Variants in VPS53 observed in about 807,000 individuals in gnomAD.
VPS53 encodes the protein VPS53 subunit of GARP complex.
In VPS53, 70 loss-of-function variants were observed where a neutral mutation model predicts 107.0. That is an observed-to-expected ratio of 0.65 (90% confidence interval 0.54 to 0.80). The LOEUF is 0.80. Among genes scored for constraint, VPS53 ranks in the 30% least tolerant of loss-of-function variants. The pLI is 0.00. For synonymous variants in VPS53, 409 were observed against 393.3 expected (o/e 1.04, Z -0.47); for missense variants, 917 against 1,049.4 (o/e 0.87, Z 1.74).
chr17:604,385 G>A (rs1475225307), intron 11 of VPS53, among the ~76,000 whole-genome samples: 1 of 152,162 alleles, frequency 6.6e-6, no homozygotes, highest in Non-Finnish European at 1.5e-5. Flanking sequence ...AAACGCAGAG[G>A]GTAGGAAGAA....
At chr17:627,977 CAACACT>C in intron 9 of VPS53, 105 bp downstream of exon 9, 1 of 1,125,434 alleles carries the variant, frequency 8.9e-7, no homozygotes, top group Non-Finnish European at 1.2e-6. Context: ...GCTCAACAAC[CAACACT>C]GTCAGACAGT....
chr17:623,679 A>G lies in VPS53; in HGVS notation c.975-5T>C. 1 of 1,608,812 alleles carries G rather than the reference A, an allele frequency of 6.2e-7. No homozygotes were observed. The highest frequency in any genetic ancestry group is 8.5e-7 in the Non-Finnish European group (1 of 1,176,006). On this transcript the variant is annotated splice_region_variant and splice_polypyrimidine_tract_variant and intron_variant, in intron 10 of 21. Transcript: ENST00000437048. ...ATAATCTTGGCAAGTTCTGCCCTTC[A>G]AAACAAAGAGATAAGAATACTATCA...
intron 1 of VPS53, among the ~76,000 whole-genome samples, chr17:712,876 A>G (rs527325519): frequency 2.6e-5 from 4 of 152,300 alleles, no homozygotes; most frequent in East Asian, 3.9e-4. Flanking sequence ...CTTTTCTTCC[A>G]TGAGAGCCCA....
chr17:710,697 G>C, intron 1 of VPS53, 84 bp from the exon 2 acceptor site: 4 of 1,129,228 alleles, frequency 3.5e-6, no homozygotes, highest in Non-Finnish European at 5.1e-6. Flanking sequence ...TAAAAGGAAA[G>C]GGCCGGGCAC....
At chr17:626,598 C>A (rs1390712157) in intron 10 of VPS53, among the ~76,000 whole-genome samples, 2 of 152,064 alleles carry the variant, frequency 1.3e-5, no homozygotes, top group Admixed American at 1.3e-4. Context: ...CACTTGAATG[C>A]AGTAAATGGA....
intron 7 of VPS53, among the ~76,000 whole-genome samples, chr17:640,618 C>T (rs1339124079): frequency 2.0e-5 from 3 of 151,826 alleles, no homozygotes; most frequent in Non-Finnish European, 4.4e-5. Context: ...ACTAGTGAGC[C>T]GCATAATCAC....
intron 13 of VPS53, among the ~76,000 whole-genome samples, chr17:566,254 G>A (rs1913502398): frequency 6.6e-6 from 1 of 151,816 alleles, no homozygotes; most frequent in South Asian, 2.1e-4. Flanking sequence ...CCCATCCTGG[G>A]CCACGGTAGG....
chr17:551,629 G>A (rs190226182), intron 17 of VPS53: 17 of 276,618 alleles, frequency 6.1e-5, no homozygotes, highest in East Asian at 4.4e-4. Flanking sequence ...CATTTACTTC[G>A]TCTCTTTTTT....
At chr17:574,411 G>T (rs1914431606) in intron 13 of VPS53, among the ~76,000 whole-genome samples, 2 of 152,144 alleles carry the variant, frequency 1.3e-5, no homozygotes, top group South Asian at 4.1e-4. Context: ...TCAGAAAAAT[G>T]ACCCTTTAAA....
intron 12 of VPS53, among the ~76,000 whole-genome samples, chr17:586,858 C>CA (rs1967345863): frequency 6.6e-6 from 1 of 152,204 alleles, no homozygotes; most frequent in Non-Finnish European, 1.5e-5. Context: ...CCTGCCCCAA[C>CA]ACATATGTAG....
chr17:521,350 T>C (rs868786214), intron 20 of VPS53, among the ~76,000 whole-genome samples: 2 of 152,298 alleles, frequency 1.3e-5, no homozygotes, highest in Middle Eastern at 3.4e-3. Flanking sequence ...ACCTCCAAGC[T>C]TGACCACATT....
At chr17:658,008 G>A (rs538727410) in intron 5 of VPS53, among the ~76,000 whole-genome samples, 1 of 114,956 alleles carries the variant, frequency 8.7e-6, no homozygotes, top group Middle Eastern at 3.9e-3. Flanking sequence ...ATACTCGGCC[G>A]TGAGTTCGTG....
chr17:556,173 C>G (rs1912328596), intron 15 of VPS53, among the ~76,000 whole-genome samples: 1 of 152,060 alleles, frequency 6.6e-6, no homozygotes, highest in Non-Finnish European at 1.5e-5. Context: ...CAGTGTAGTC[C>G]CAGCCACTTG....
intron 19 of VPS53, among the ~76,000 whole-genome samples, chr17:525,727 G>A (rs76209424): frequency 0.17 from 25,022 of 151,628 alleles, 5,110 homozygotes; most frequent in African/African-American, 0.47. Context: ...GCCAGGCGCG[G>A]TGTCTCATGC....
chr17:566,465 C>T (rs970094507), intron 13 of VPS53, among the ~76,000 whole-genome samples: 5 of 152,270 alleles, frequency 3.3e-5, no homozygotes, highest in Admixed American at 6.5e-5. Context: ...CTGCTGCCCC[C>T]GGCCCGCCCG....
intron 2 of VPS53, 130 bp downstream of exon 2, chr17:710,403 G>A: frequency 4.4e-6 from 3 of 682,102 alleles, no homozygotes; most frequent in Admixed American, 5.1e-5. Context: ...GGTGATGATG[G>A]AGTTTGATTT....
Position 710,525 on chromosome 17 carries a change from C to T in VPS53, c.168+8G>A. 6.2e-7 allele frequency: 1 copy of T among 1,610,872 alleles called. No individual in the cohort carries two copies. Among genetic ancestry groups the T allele is most frequent in the Non-Finnish European group, 8.5e-7 (1 of 1,177,450 alleles). On this transcript the variant is annotated splice_region_variant and intron_variant, in intron 2 of 21. Coordinates refer to ENST00000437048, the MANE Select transcript of VPS53 (RefSeq NM_001128159.3). ...GCTGAAAGGAAGGAAACCTGAAACT[C>T]TACTTACTTGCTCGGTTGGGAACAG...
intron 13 of VPS53, among the ~76,000 whole-genome samples, chr17:571,356 G>A (rs1042190093): frequency 1.3e-4 from 20 of 152,270 alleles, no homozygotes; most frequent in African/African-American, 4.6e-4. Context: ...TTACGTGTGT[G>A]GGGGAGATAA....
intron 11 of VPS53, among the ~76,000 whole-genome samples, chr17:619,847 G>C (rs1364140164): frequency 1.7e-4 from 24 of 137,632 alleles, no homozygotes; most frequent in Admixed American, 9.5e-4. Flanking sequence ...ATATTTCCCG[G>C]GTAGCTGGGA....
Sources: gnomAD v4.1 joint callset for allele counts (sites outside exome capture counted in the v4.1 genomes callset) on GRCh38, gnomAD v4.1.1 for gene constraint, MANE v1.5 for transcripts, NCBI Gene and HGNC (gene_info 2026-07-23, HGNC 2026-07-21) for gene names.